Variants in CCDC39 observed in about 807,000 individuals in gnomAD.
The protein encoded by CCDC39 is coiled-coil domain-containing protein 39.
In CCDC39, 113 loss-of-function variants were observed where a neutral mutation model predicts 121.0. That is an observed-to-expected ratio of 0.93 (90% CI 0.80 to 1.09). The LOEUF (loss-of-function observed/expected upper bound fraction) is 1.09, where lower values mean the gene tolerates loss of function less well. Ranked by LOEUF, CCDC39 falls within the 50% of genes least tolerant of loss-of-function variation. The pLI is 0.00. For synonymous variants in CCDC39, 349 were observed against 352.2 expected (o/e 0.99, Z 0.10); for missense variants, 1,063 against 1,074.7 (o/e 0.99, Z 0.15).
chr3:180,616,987 T>C, intron 16 of CCDC39, 21 bp from the exon 17 acceptor site: 1 of 1,204,686 alleles, frequency 8.3e-7, no homozygotes, highest in Non-Finnish European at 1.1e-6. Context: ...AATATTAACA[T>C]GTATTTTTTA....
rs1034479047 is a variant in CCDC39, at chr3:180,615,283, C to G, written c.2670-206G>C. 2.0e-5 allele frequency among the ~76,000 whole-genome samples: 3 copies of G among 151,932 alleles called. No homozygotes were observed. In the South Asian group the frequency reaches 6.2e-4, roughly 31 times the overall value. On this transcript the variant is annotated intron_variant, in intron 19 of 19. Coordinates refer to ENST00000476379, the MANE Select transcript of CCDC39 (RefSeq NM_181426.2). ...AGATGAACATAGATGAGTTTCAAAC[C>G]AGTAGAAAAGTAGTTTAATAAGTAT... is the stretch of plus-strand genomic sequence containing the variant.
At chr3:180,620,252 A>G (rs1026330957) in intron 14 of CCDC39, among the ~76,000 whole-genome samples, 11 of 152,002 alleles carry the variant, frequency 7.2e-5, no homozygotes, top group African/African-American at 2.7e-4. Context: ...AAAATTGCCA[A>G]AGAGTTAATC....
At chr3:180,636,302 C>T (rs1369934996) in intron 13 of CCDC39, among the ~76,000 whole-genome samples, 2 of 152,150 alleles carry the variant, frequency 1.3e-5, no homozygotes, top group Non-Finnish European at 2.9e-5. Context: ...CATTCCTATA[C>T]ACCAATAACA....
At chr3:180,637,371 C>G (rs1717854699) in intron 13 of CCDC39, among the ~76,000 whole-genome samples, 1 of 151,982 alleles carries the variant, frequency 6.6e-6, no homozygotes, top group South Asian at 2.1e-4. Context: ...CAACGAGATA[C>G]CATCTCACAC....
chr3:180,653,284 T>C (rs1292016440), intron 7 of CCDC39, among the ~76,000 whole-genome samples: 3 of 152,212 alleles, frequency 2.0e-5, no homozygotes, highest in East Asian at 1.9e-4. Flanking sequence ...CAAAGACATC[T>C]GCCCAGCAAC....
intron 16 of CCDC39, chr3:180,617,428 G>A (rs1029773233): frequency 4.4e-6 from 3 of 675,768 alleles, no homozygotes; most frequent in Admixed American, 4.1e-5. Context: ...CCTCAGGCAG[G>A]TCCTTCAGGA....
chr3:180,640,493 A>G (rs764252155), intron 13 of CCDC39, among the ~76,000 whole-genome samples: 6 of 152,248 alleles, frequency 3.9e-5, no homozygotes, highest in Admixed American at 6.5e-5. Context: ...GAAGATAGCA[A>G]TAAGAGCAGA....
In CCDC39 at chr3:180,651,546, T is replaced by TA; in HGVS notation, c.1035-14dup. On this transcript the variant is annotated splice_polypyrimidine_tract_variant and intron_variant, in intron 8 of 19. Transcript: ENST00000476379. ...AGTTTTTTGTAACCTGAAGAGGGTT[T>TA]ATCACAAAAAGATAGAAAACGTGCC... The TA allele has an allele frequency of 6.6e-7, 1 of 1,506,144 alleles. No homozygotes were observed. The highest frequency in any genetic ancestry group is 8.8e-7 in the Non-Finnish European group (1 of 1,132,192). The allele number at this position is 1,506,144 out of a possible 1,614,324, so 93.3% of individuals were successfully genotyped here. A position where few individuals can be genotyped will look rare whatever the true frequency, so the allele number is the denominator to read the frequency against.
At chr3:180,674,520 A>G (rs1021859647) in intron 1 of CCDC39, among the ~76,000 whole-genome samples, 1 of 152,172 alleles carries the variant, frequency 6.6e-6, no homozygotes, top group African/African-American at 2.4e-5. Context: ...ACTATGTTGA[A>G]TAGGAGTGGT....
At chr3:180,649,572 T>A (rs1157646860) in intron 9 of CCDC39, among the ~76,000 whole-genome samples, 1 of 152,196 alleles carries the variant, frequency 6.6e-6, no homozygotes, top group Non-Finnish European at 1.5e-5. Flanking sequence ...TCTCAAAGAT[T>A]GCCTGGCAGA....
chr3:180,675,973 C>T (rs1260162918), intron 1 of CCDC39, among the ~76,000 whole-genome samples: 3 of 152,176 alleles, frequency 2.0e-5, no homozygotes, highest in African/African-American at 4.8e-5. Flanking sequence ...TCCTTCCTTA[C>T]ACCTTATACA....
In CCDC39 at chr3:180,679,447, C is replaced by T; in HGVS notation, c.-67G>A. ...TTCTTGTACAGCGGGTGAGCAGCAC[C>T]CGCGTCAAGCCCAGGCACCTGCACA... On this transcript the variant is annotated 5_prime_UTR_variant, in exon 1 of 20. Coordinates refer to ENST00000476379, the MANE Select transcript of CCDC39 (RefSeq NM_181426.2). This position sits in a 1 kb window ranked among gnomAD's most constrained non-coding sequence, Gnocchi z 4.0. The T allele has an allele frequency of 6.9e-7, 1 of 1,447,596 alleles. No homozygotes were observed. The highest frequency in any genetic ancestry group is 9.7e-7 in the Non-Finnish European group (1 of 1,029,252). The allele number at this position is 1,447,596 out of a possible 1,614,324, so 89.7% of individuals were successfully genotyped here. A position where few individuals can be genotyped will look rare whatever the true frequency, so the allele number is the denominator to read the frequency against.
intron 12 of CCDC39, among the ~76,000 whole-genome samples, chr3:180,643,726 A>C (rs1718011115): frequency 1.3e-5 from 2 of 152,220 alleles, no homozygotes; most frequent in African/African-American, 4.8e-5. Flanking sequence ...ATAACTGCAC[A>C]ATGAACAACT....
In CCDC39 at chr3:180,648,327, A is replaced by T; in HGVS notation, c.1200T>A (p.Gly400=). The T allele has an allele frequency of 6.3e-7, 1 of 1,590,834 alleles. No individual in the cohort carries two copies. Among genetic ancestry groups the T allele is most frequent in the East Asian group, 2.2e-5 (1 of 44,506 alleles). ...ACTCCTGAGCTTTCTTAAACAGCAC[A>T]CCTTTTATGAGGTTCAGTTGAACAT... ...EVDVQLNLIK[G]VLFKKAQELQ... Residue 400 remains glycine (G), a synonymous_variant, in exon 10 of 20, where the codon GGT becomes GGA. Transcript: ENST00000476379.
At chr3:180,677,769 G>A (rs1352622035) in intron 1 of CCDC39, among the ~76,000 whole-genome samples, 1 of 152,046 alleles carries the variant, frequency 6.6e-6, no homozygotes, top group African/African-American at 2.4e-5. Context: ...CAAGATGTCT[G>A]AAATGTGTGT....
In CCDC39 at chr3:180,643,517, G is replaced by A. The variant is rs1268909587; in HGVS notation, c.1665+603C>T. Among the ~76,000 whole-genome samples, 3 of 151,944 alleles carry A rather than the reference G, an allele frequency of 2.0e-5. No individual in the cohort carries two copies. The East Asian group carries it at 5.8e-4, about 29-fold the overall frequency. On this transcript the variant is annotated intron_variant, in intron 12 of 19. Transcript: ENST00000476379. ...AATGAGATACCATGTTTATCAAATT[G>A]GCAACAATTTTTTAAATTAGGATAT...
intron 14 of CCDC39, among the ~76,000 whole-genome samples, chr3:180,626,718 G>T (rs1717571912): frequency 6.6e-6 from 1 of 151,990 alleles, no homozygotes. Flanking sequence ...CTCAGGTGAG[G>T]TGCTCAGGTG....
intron 1 of CCDC39, among the ~76,000 whole-genome samples, chr3:180,677,168 T>TTATTTATA (rs1553807757): frequency 1.1e-4 from 4 of 35,176 alleles, no homozygotes; most frequent in Non-Finnish European, 1.6e-4. Context: ...AATAATAATT[T>TTATTTATA]TATATATATA....
rs1404028809 is a variant in CCDC39 at position 180,647,061 on chromosome 3, G to A, written c.1527+18C>T. The A allele has an allele frequency of 8.1e-6, 13 of 1,595,174 alleles. No individual in the cohort carries two copies. Among genetic ancestry groups the A allele is most frequent in the Admixed American group, 3.6e-5 (2 of 55,208 alleles). ...GACTAGGATATTTGAAATATAAAATGTATTTTGGCTAAGTTACATGAAGCT... is the reference window on the plus strand; with the variant it reads ...GACTAGGATATTTGAAATATAAAATATATTTTGGCTAAGTTACATGAAGCT... On this transcript the variant is annotated intron_variant, in intron 11 of 19. Coordinates refer to ENST00000476379, the MANE Select transcript of CCDC39 (RefSeq NM_181426.2).
Sources: allele counts gnomAD v4.1 joint callset (sites outside exome capture counted in the v4.1 genomes callset), GRCh38; gene constraint gnomAD v4.1.1; non-coding constraint Gnocchi (gnomAD v3.1); transcripts MANE v1.5; gene names NCBI Gene and HGNC (gene_info 2026-07-23, HGNC 2026-07-21).